The following SAMD3 variants were observed in gnomAD, a reference collection of about 807,000 sequenced individuals.
SAMD3 encodes the protein sterile alpha motif domain-containing protein 3.
A neutral mutation model predicts 58.5 loss-of-function variants in SAMD3; 63 were observed. The ratio of observed to expected loss-of-function variants is 1.08; its 90% CI spans 0.88 to 1.33. The LOEUF is 1.33. Ranked by LOEUF, SAMD3 falls within the 40% of genes most tolerant of loss-of-function variation. The pLI, the probability that SAMD3 is intolerant of heterozygous loss-of-function variation, is 0.00. For missense variants in SAMD3, 604 were observed against 608.4 expected (o/e 0.99, Z 0.08); for synonymous variants, 220 against 210.3 (o/e 1.05, Z -0.40).
rs1465790975 is a variant in SAMD3 at position 130,145,996 on chromosome 6, TA to T, written c.1195+13del. On this transcript the variant is annotated intron_variant, in intron 10 of 11. Transcript: ENST00000439090. Reference sequence around the variant, plus strand: ...TAACAGATGAAATCACACCACTCCATAAGGTTTACTAACATTTCAACATGTC... The same window carrying T: ...TAACAGATGAAATCACACCACTCCATAGGTTTACTAACATTTCAACATGTC... 7.0e-7 allele frequency: 1 copy of T among 1,433,494 alleles called. No homozygotes were observed. Among genetic ancestry groups the T allele is most frequent in the Non-Finnish European group, 9.2e-7 (1 of 1,086,294 alleles). The allele number at this position is 1,433,494 out of a possible 1,614,324, so 88.8% of individuals were successfully genotyped here.
chr6:130,183,561 C>T, intron 7 of SAMD3: 1 of 375,184 alleles, frequency 2.7e-6, no homozygotes, highest in East Asian at 7.3e-5. Context: ...TGTGTCACAT[C>T]TCCTAAAGAC....
At chr6:130,351,781 C>T (rs554550527) in intron 1 of SAMD3, among the ~76,000 whole-genome samples, 44 of 152,274 alleles carry the variant, frequency 2.9e-4, no homozygotes, top group Non-Finnish European at 5.9e-4. Flanking sequence ...TATTGCGGCA[C>T]TATTCACAAT....
intron 2 of SAMD3, among the ~76,000 whole-genome samples, chr6:130,292,612 G>GTTTGTTTTGT (rs1554271758): frequency 7.6e-6 from 1 of 132,308 alleles, no homozygotes; most frequent in Non-Finnish European, 1.6e-5. Context: ...TTGTTTGTTT[G>GTTTGTTTTGT]TTTGTTTTGT....
chr6:130,351,591 G>A (rs1777667860), intron 1 of SAMD3, among the ~76,000 whole-genome samples: 1 of 152,202 alleles, frequency 6.6e-6, no homozygotes, highest in African/African-American at 2.4e-5. Context: ...GTGCTGGAGA[G>A]GATGTGGAGA....
rs560264055 is a variant in SAMD3 at position 130,215,265 on chromosome 6, G to C, written c.9C>G (p.Thr3=). The C allele has an allele frequency of 1.2e-6, 2 of 1,608,738 alleles. No individual in the cohort carries two copies. Among genetic ancestry groups the C allele is most frequent in the Admixed American group, 1.7e-5 (1 of 59,686 alleles). Residue 3 remains threonine, a synonymous_variant, in exon 3 of 12, where the codon ACC becomes ACG. Transcript: ENST00000439090. ...AACTGCAGACCTGCTCAACTGACCA[G>C]GTTTCCATTGCTGTCTCCTGTAAAT... ME[T]WSVEQVCSWL...
Position 130,184,176 on chromosome 6 carries a change from G to A in SAMD3, c.581C>T (p.Thr194Ile). ...KYLEGSLYPS[T>I]QQYNDVVNAL... Reference sequence around the variant, plus strand: ...ATTAACCACGTCATTGTACTGCTGGGTGCTGGGGTACCTGTTCACCAAAAC... The same window carrying A: ...ATTAACCACGTCATTGTACTGCTGGATGCTGGGGTACCTGTTCACCAAAAC... Residue 194 changes from threonine to isoleucine, a missense_variant, in exon 7 of 12, where the codon ACC becomes ATC. Coordinates refer to ENST00000439090, the MANE Select transcript of SAMD3 (RefSeq NM_001017373.4). The A allele has an allele frequency of 6.2e-7, 1 of 1,610,076 alleles. No homozygotes were observed. The highest frequency in any genetic ancestry group is 8.5e-7 in the Non-Finnish European group (1 of 1,177,380).
chr6:130,145,853 A>G (rs1300529199), intron 10 of SAMD3, among the ~76,000 whole-genome samples, 157 bp downstream of exon 10: 1 of 151,774 alleles, frequency 6.6e-6, no homozygotes, highest in East Asian at 1.9e-4. Context: ...AATTATTATT[A>G]AATATATTTT....
At chr6:130,363,805 A>C (rs1482352485) in intron 1 of SAMD3, among the ~76,000 whole-genome samples, 2 of 152,172 alleles carry the variant, frequency 1.3e-5, no homozygotes, top group Non-Finnish European at 2.9e-5. Flanking sequence ...GACACAGCAA[A>C]AAATATTATG....
chr6:130,160,845 A>C (rs1790222129), intron 8 of SAMD3: 1 of 152,184 alleles, frequency 6.6e-6, no homozygotes. Flanking sequence ...TGAAAAGAAA[A>C]ATAAAAATCT....
chr6:130,336,618 C>T (rs562209892), intron 1 of SAMD3, among the ~76,000 whole-genome samples: 2 of 152,292 alleles, frequency 1.3e-5, no homozygotes, highest in South Asian at 4.1e-4. Flanking sequence ...AGAGTGCCTG[C>T]CATCATTGTG....
intron 2 of SAMD3, among the ~76,000 whole-genome samples, chr6:130,267,000 C>T (rs1774383382): frequency 6.6e-6 from 1 of 152,152 alleles, no homozygotes; most frequent in African/African-American, 2.4e-5. Flanking sequence ...ACCGGTCAAG[C>T]CTTGACTATT....
intron 8 of SAMD3, 86 bp from the exon 9 acceptor site, chr6:130,155,111 T>TG: frequency 1.0e-6 from 1 of 987,858 alleles, no homozygotes; most frequent in South Asian, 1.5e-5. Context: ...TCTTAACTCA[T>TG]TCCTAAGGTG....
rs182490001 is a variant in SAMD3 at position 130,171,823 on chromosome 6, C to T, written c.822+4018G>A. 1.8e-4 allele frequency among the ~76,000 whole-genome samples: 28 copies of T among 152,234 alleles called. 1 individual carries two copies. Among genetic ancestry groups the T allele is most frequent in the Admixed American group, 4.6e-4 (7 of 15,288 alleles). On this transcript the variant is annotated intron_variant, in intron 8 of 11. Transcript: ENST00000439090. ...GACAGTGGGGTGTTAAAGTCGCCTA[C>T]TATTATTGTGTGGGAGTCTAAGTCT...
At chr6:130,202,047 G>A (rs574693632) in intron 5 of SAMD3, among the ~76,000 whole-genome samples, 1 of 152,272 alleles carries the variant, frequency 6.6e-6, no homozygotes, top group South Asian at 2.1e-4. Flanking sequence ...AGCCCATGGG[G>A]TATAGTCAGT....
chr6:130,172,916 T>C (rs1354950528), intron 8 of SAMD3, among the ~76,000 whole-genome samples: 1 of 152,226 alleles, frequency 6.6e-6, no homozygotes, highest in African/African-American at 2.4e-5. Flanking sequence ...TTTCATTCTT[T>C]TTTCTCTAAT....
chr6:130,308,403 C>CTATTCTATT (rs1776011528), intron 2 of SAMD3, among the ~76,000 whole-genome samples: 4 of 146,000 alleles, frequency 2.7e-5, no homozygotes, highest in African/African-American at 7.8e-5. Context: ...CTATTCTATT[C>CTATTCTATT]TATTCTATTC....
At chr6:130,270,915 T>C (rs1774535943) in intron 2 of SAMD3, among the ~76,000 whole-genome samples, 1 of 152,212 alleles carries the variant, frequency 6.6e-6, no homozygotes, top group African/African-American at 2.4e-5. Flanking sequence ...AATTCCTAGT[T>C]CAAAGGATGT....
At chr6:130,215,619 T>C (rs1795960518) in intron 2 of SAMD3, 10 of 1,388,850 alleles carry the variant, frequency 7.2e-6, no homozygotes, top group Non-Finnish European at 8.4e-6. Context: ...CCTGTACCAT[T>C]AACACCCAGG....
At chr6:130,356,805 G>A (rs1777843751) in intron 1 of SAMD3, among the ~76,000 whole-genome samples, 1 of 152,166 alleles carries the variant, frequency 6.6e-6, no homozygotes, top group African/African-American at 2.4e-5. Context: ...TTTCTATGAA[G>A]AAGTCACTTA....
Sources: gnomAD v4.1 joint callset for allele counts (sites outside exome capture counted in the v4.1 genomes callset) on GRCh38, gnomAD v4.1.1 for gene constraint, MANE v1.5 for transcripts, NCBI Gene and HGNC (gene_info 2026-07-23, HGNC 2026-07-21) for gene names.